KNTC1: variants seen among roughly 807,000 people sequenced by gnomAD.
KNTC1 encodes the protein kinetochore-associated protein 1.
A neutral mutation model predicts 314.4 loss-of-function variants in KNTC1; 253 were observed. The observed-to-expected ratio is 0.80, with a 90% CI of 0.73 to 0.89. KNTC1 has a LOEUF of 0.89. Among genes scored for constraint, KNTC1 ranks in the 40% least tolerant of loss-of-function variants. The pLI is 0.00. For synonymous variants in KNTC1, 901 were observed against 901.4 expected (o/e 1.00, Z 0.01); for missense variants, 2,475 against 2,572.9 (o/e 0.96, Z 0.82).
Position 122,538,361 on chromosome 12 carries a change from C to T in KNTC1, c.273C>T (p.Gly91=), listed in dbSNP as rs375797458. The T allele has an allele frequency of 1.2e-5, 19 of 1,600,072 alleles. No homozygotes were observed. The African/African-American group carries it at 2.0e-4, about 17-fold the overall frequency. ...CAGATACTGAAGTGGATGTAGTTGG[C>T]CTTTGTCAAGAAGGAAAGTTTCTTT... is the stretch of plus-strand genomic sequence containing the variant. ...LVFDTEVDVV[G]LCQEGKFLLV... Residue 91 remains glycine, a synonymous_variant, in exon 4 of 64, where the codon GGC becomes GGT. Transcript: ENST00000333479.
intron 53 of KNTC1, among the ~76,000 whole-genome samples, chr12:122,612,231 A>G (rs1471626346): frequency 1.1e-4 from 16 of 150,816 alleles, no homozygotes; most frequent in South Asian, 6.3e-4. Flanking sequence ...ACGCCTGGCT[A>G]ATTTTTGTAT....
chr12:122,571,287 A>G (rs1013721222), intron 24 of KNTC1, among the ~76,000 whole-genome samples, 161 bp downstream of exon 24: 8 of 151,870 alleles, frequency 5.3e-5, no homozygotes, highest in African/African-American at 1.9e-4. Flanking sequence ...TATGTAGGAA[A>G]ATTTGCTTTT....
chr12:122,626,081 A>G, intron 63 of KNTC1, 124 bp from the exon 64 acceptor site: 1 of 708,292 alleles, frequency 1.4e-6, no homozygotes, highest in Non-Finnish European at 2.5e-6. Flanking sequence ...CTAATCTAAA[A>G]TGCCAAATAG....
chr12:122,551,589 C>G (rs756552956), intron 15 of KNTC1, 32 bp from the exon 16 acceptor site: 15 of 1,603,186 alleles, frequency 9.4e-6, no homozygotes, highest in Middle Eastern at 3.3e-4. Context: ...GAATAATAAG[C>G]ATTTAACAAA....
At chr12:122,559,812 T>A (rs1328202141) in intron 18 of KNTC1, among the ~76,000 whole-genome samples, 1 of 152,212 alleles carries the variant, frequency 6.6e-6, no homozygotes. Context: ...TGACCTCAAA[T>A]GATCTGCCTG....
intron 34 of KNTC1, among the ~76,000 whole-genome samples, chr12:122,583,409 G>A (rs559204460): frequency 3.3e-5 from 5 of 152,302 alleles, no homozygotes; most frequent in Admixed American, 2.0e-4. Context: ...CATATTTTGG[G>A]CCTCAGTGTC....
rs749868034 is a variant in KNTC1 at position 122,551,600 on chromosome 12, A to G, written c.1197-21A>G. 3 of 1,611,898 alleles carry G rather than the reference A, an allele frequency of 1.9e-6. No homozygotes were observed. In the South Asian group the frequency reaches 3.3e-5, roughly 18 times the overall value. On this transcript the variant is annotated intron_variant, in intron 15 of 63. Coordinates refer to ENST00000333479, the MANE Select transcript of KNTC1 (RefSeq NM_014708.6). The stretch of plus-strand genomic sequence containing the variant: ...CCCTGAATAATAAGCATTTAACAAA[A>G]TTTCTCTTCCAACTTAACAGATTGA...
chr12:122,618,643 G>T, intron 59 of KNTC1, 98 bp downstream of exon 59: 3 of 908,690 alleles, frequency 3.3e-6, no homozygotes, highest in Non-Finnish European at 5.2e-6. Flanking sequence ...CTTTTTGTTA[G>T]GAAGTTAAGC....
At chr12:122,584,850 A>G (rs1342473978) in intron 35 of KNTC1, 43 bp from the exon 36 acceptor site, 2 of 992,414 alleles carry the variant, frequency 2.0e-6, no homozygotes, top group Non-Finnish European at 3.2e-6. Flanking sequence ...TATCCTAAAG[A>G]CATGAAATAT....
chr12:122,531,068 G>C (rs1408424992), intron 2 of KNTC1, among the ~76,000 whole-genome samples: 1 of 151,076 alleles, frequency 6.6e-6, no homozygotes, highest in Non-Finnish European at 1.5e-5. Context: ...TTTAATAAAA[G>C]AAATTTTTTT....
chr12:122,576,806 T>A (rs1367266504), intron 29 of KNTC1, 89 bp from the exon 30 acceptor site: 13 of 965,516 alleles, frequency 1.3e-5, no homozygotes, highest in African/African-American at 1.9e-5. Flanking sequence ...ATTATTTAAA[T>A]TTTTTTGCCA....
At chr12:122,604,201 C>A (rs995854032) in intron 48 of KNTC1, among the ~76,000 whole-genome samples, 8 of 121,014 alleles carry the variant, frequency 6.6e-5, no homozygotes, top group Admixed American at 4.9e-4. Flanking sequence ...TTAACAGAGT[C>A]TTGCTCTGTC....
intron 63 of KNTC1, 83 bp downstream of exon 63, chr12:122,624,771 T>G: frequency 1.1e-6 from 1 of 938,452 alleles, no homozygotes; most frequent in Non-Finnish European, 1.8e-6. Flanking sequence ...CCTTTTCTAG[T>G]GTTCTGGAGA....
At chr12:122,541,336 T>TTCCTTC (rs1962314740) in intron 5 of KNTC1, among the ~76,000 whole-genome samples, 2 of 68,938 alleles carry the variant, frequency 2.9e-5, no homozygotes, top group East Asian at 9.7e-4. Context: ...GTCCTTCCTC[T>TTCCTTC]GTCTCTCCCT....
At chr12:122,604,198 A>T (rs896972263) in intron 48 of KNTC1, among the ~76,000 whole-genome samples, 1 of 126,172 alleles carries the variant, frequency 7.9e-6, no homozygotes, top group Admixed American at 8.4e-5. Context: ...TTTTTAACAG[A>T]GTCTTGCTCT....
At position 122,590,597 on chromosome 12, in the gene KNTC1, C is replaced by G; in HGVS notation, c.4000-10C>G. On this transcript the variant is annotated splice_polypyrimidine_tract_variant and intron_variant, in intron 40 of 63. Transcript: ENST00000333479. ...AAGAATTTGCTTCTTTTGCTGGTTT[C>G]TTCCTGTAGGTATTTAATTGTCGCT... 1 of 1,592,824 alleles carries G rather than the reference C, an allele frequency of 6.3e-7. No homozygotes were observed. Among genetic ancestry groups the G allele is most frequent in the Non-Finnish European group, 8.6e-7 (1 of 1,168,478 alleles).
chr12:122,528,107 T>C (rs1960908743), intron 1 of KNTC1, among the ~76,000 whole-genome samples: 1 of 152,204 alleles, frequency 6.6e-6, no homozygotes, highest in Non-Finnish European at 1.5e-5. Flanking sequence ...CCTAGAAAGG[T>C]GTCTGGCACA....
At chr12:122,543,001 T>C (rs974507305) in intron 6 of KNTC1, among the ~76,000 whole-genome samples, 3 of 152,222 alleles carry the variant, frequency 2.0e-5, no homozygotes, top group Middle Eastern at 3.4e-3. Flanking sequence ...CAACCTCCGC[T>C]TCCCAGGTTC....
chr12:122,592,377 C>G (rs1870374584), intron 42 of KNTC1, among the ~76,000 whole-genome samples: 1 of 152,228 alleles, frequency 6.6e-6, no homozygotes, highest in Admixed American at 6.5e-5. Context: ...GGCGCCCAGT[C>G]CCATGGACCG....
Sources: gnomAD v4.1 joint callset for allele counts (sites outside exome capture counted in the v4.1 genomes callset) on GRCh38, gnomAD v4.1.1 for gene constraint, MANE v1.5 for transcripts, NCBI Gene and HGNC (gene_info 2026-07-23, HGNC 2026-07-21) for gene names.